LRRC4C: variants seen among roughly 807,000 people sequenced by gnomAD.
LRRC4C encodes the protein leucine rich repeat containing 4C.
LRRC4C carries 5 observed loss-of-function variants against 33.6 expected under a neutral mutation model. The ratio of observed to expected loss-of-function variants is 0.15; its 90% confidence interval spans 0.08 to 0.31. The LOEUF is 0.31. Among genes scored for constraint, LRRC4C ranks in the 10% least tolerant of loss-of-function variants. LRRC4C has a pLI of 1.00. For synonymous variants in LRRC4C, 329 were observed against 302.0 expected (o/e 1.09, Z -0.93); for missense variants, 560 against 796.7 (o/e 0.70, Z 3.58).
chr11:40,123,877 G>T (rs1391932872), intron 6 of LRRC4C, among the ~76,000 whole-genome samples: 2 of 152,172 alleles, frequency 1.3e-5, no homozygotes, highest in Non-Finnish European at 2.9e-5. Flanking sequence ...CATGGTACTG[G>T]CATAAAAGCA....
rs180837222 is a variant in LRRC4C at position 40,526,411 on chromosome 11, G to A, written c.-270+121731C>T. Among the ~76,000 whole-genome samples, 239 of 152,090 alleles carry A rather than the reference G, an allele frequency of 1.6e-3. 1 individual carries two copies. The highest frequency in any genetic ancestry group is 5.6e-3 in the African/African-American group (232 of 41,500). On this transcript the variant is annotated intron_variant, in intron 3 of 6. Transcript: ENST00000528697. ...TTGCCAAAATCACCATAGATAAAAT[G>A]AATAAAATACTTGGACAGCTACTAC...
At chr11:40,822,441 T>A (rs549588692) in intron 2 of LRRC4C, among the ~76,000 whole-genome samples, 2 of 151,894 alleles carry the variant, frequency 1.3e-5, no homozygotes, top group African/African-American at 4.8e-5. Context: ...TGATTCTCTA[T>A]CTTGGCTATT....
At chr11:40,263,970 T>A (rs1401182013) in intron 4 of LRRC4C, among the ~76,000 whole-genome samples, 1 of 152,162 alleles carries the variant, frequency 6.6e-6, no homozygotes, top group Non-Finnish European at 1.5e-5. Context: ...CCAGTCCTCC[T>A]AAGAAAGCAT....
intron 2 of LRRC4C, among the ~76,000 whole-genome samples, chr11:40,926,251 C>A (rs1040996547): frequency 6.6e-6 from 1 of 152,146 alleles, no homozygotes; most frequent in Admixed American, 6.5e-5. Context: ...TTCCTTCTGT[C>A]CTGTGACCTC....
intron 3 of LRRC4C, among the ~76,000 whole-genome samples, chr11:40,614,915 A>G (rs1236867947): frequency 6.6e-6 from 1 of 151,592 alleles, no homozygotes. Context: ...AACAATTACA[A>G]TAGCAACATC....
intron 1 of LRRC4C, among the ~76,000 whole-genome samples, chr11:40,971,865 A>T (rs1005801725): frequency 1.2e-4 from 18 of 152,096 alleles, no homozygotes; most frequent in African/African-American, 4.3e-4. Flanking sequence ...GATTATTTTG[A>T]AGCTTTCAGA....
At chr11:40,914,192 T>G (rs1374187569) in intron 2 of LRRC4C, among the ~76,000 whole-genome samples, 1 of 152,178 alleles carries the variant, frequency 6.6e-6, no homozygotes, top group African/African-American at 2.4e-5. Flanking sequence ...CCCTAAGTCA[T>G]TTTATGAGGC....
At chr11:41,284,427 G>T (rs1212632732) in intron 1 of LRRC4C, among the ~76,000 whole-genome samples, 1 of 152,152 alleles carries the variant, frequency 6.6e-6, no homozygotes, top group Non-Finnish European at 1.5e-5. Context: ...ACCAAAGGGT[G>T]AGAGTGACAC....
chr11:40,397,361 A>G (rs1042814818), intron 3 of LRRC4C, among the ~76,000 whole-genome samples: 1 of 152,230 alleles, frequency 6.6e-6, no homozygotes, highest in African/African-American at 2.4e-5. Flanking sequence ...GTCATCCTAG[A>G]CATCAATTTT....
intron 1 of LRRC4C, among the ~76,000 whole-genome samples, chr11:40,972,310 T>G (rs759367347): frequency 1.9e-4 from 29 of 152,128 alleles, no homozygotes; most frequent in Admixed American, 5.9e-4. Context: ...CTAATTTTTG[T>G]ATTTTTAGTA....
intron 1 of LRRC4C, among the ~76,000 whole-genome samples, chr11:41,278,060 G>T (rs1949540470): frequency 6.6e-6 from 1 of 152,104 alleles, no homozygotes; most frequent in African/African-American, 2.4e-5. Flanking sequence ...GCTGGGAGAT[G>T]TTGGTCACAG....
intron 2 of LRRC4C, among the ~76,000 whole-genome samples, chr11:40,762,111 C>T (rs1259207699): frequency 6.6e-6 from 1 of 152,098 alleles, no homozygotes; most frequent in Non-Finnish European, 1.5e-5. Context: ...ATTTTTTCTG[C>T]AGTTTTGTGG....
At chr11:40,142,861 A>T (rs1427788633) in intron 5 of LRRC4C, among the ~76,000 whole-genome samples, 1 of 152,010 alleles carries the variant, frequency 6.6e-6, no homozygotes, top group Non-Finnish European at 1.5e-5. Context: ...CAAGACCTCC[A>T]CTTGGAGGCT....
At chr11:41,244,871 C>T (rs1948390489) in intron 1 of LRRC4C, among the ~76,000 whole-genome samples, 1 of 152,120 alleles carries the variant, frequency 6.6e-6, no homozygotes, top group South Asian at 2.1e-4. Flanking sequence ...ATACTCACGA[C>T]TGGCTCAGGC....
intron 2 of LRRC4C, among the ~76,000 whole-genome samples, chr11:40,929,862 C>T (rs1385927912): frequency 6.6e-6 from 1 of 152,146 alleles, no homozygotes; most frequent in Non-Finnish European, 1.5e-5. Flanking sequence ...CCTCTATTGA[C>T]ATGTAATTCA....
intron 2 of LRRC4C, among the ~76,000 whole-genome samples, chr11:40,655,126 G>T (rs945783130): frequency 2.6e-5 from 4 of 152,114 alleles, no homozygotes; most frequent in Non-Finnish European, 5.9e-5. Flanking sequence ...CACTAATATA[G>T]GGTCCCTTTT....
intron 1 of LRRC4C, among the ~76,000 whole-genome samples, chr11:41,387,773 T>A (rs796893687): frequency 4.6e-5 from 7 of 151,914 alleles, no homozygotes; most frequent in African/African-American, 1.7e-4. Context: ...GTTATATATG[T>A]TAGCTGCAAT....
intron 2 of LRRC4C, among the ~76,000 whole-genome samples, chr11:40,802,792 G>A (rs1029406771): frequency 2.0e-5 from 3 of 152,138 alleles, no homozygotes; most frequent in Non-Finnish European, 2.9e-5. Context: ...AAGAAGAAAC[G>A]ATCAAAGTGA....
At chr11:40,726,816 A>T (rs1231564699) in intron 2 of LRRC4C, among the ~76,000 whole-genome samples, 1 of 152,268 alleles carries the variant, frequency 6.6e-6, no homozygotes, top group African/African-American at 2.4e-5. Context: ...AAGTCAAATT[A>T]TCTCTCTTTA....
Sources: allele counts gnomAD v4.1 joint callset (sites outside exome capture counted in the v4.1 genomes callset), GRCh38; gene constraint gnomAD v4.1.1; transcripts MANE v1.5; gene names NCBI Gene and HGNC (gene_info 2026-07-23, HGNC 2026-07-21).